ATG13: variants seen among roughly 807,000 people sequenced by gnomAD.
ATG13 encodes autophagy-related protein 13.
ATG13 carries 23 observed loss-of-function variants against 65.5 expected under a neutral mutation model. That is an observed-to-expected ratio of 0.35 (90% confidence interval 0.25 to 0.50). The LOEUF is 0.50. Ranked by LOEUF, ATG13 falls within the 20% of genes least tolerant of loss-of-function variation. ATG13 has a pLI of 0.98. For synonymous variants in ATG13, 252 were observed against 245.2 expected (o/e 1.03, Z -0.26); for missense variants, 566 against 677.0 (o/e 0.84, Z 1.82).
chr11:46,619,615 C>T (rs926120729), intron 1 of ATG13, among the ~76,000 whole-genome samples: 2 of 151,620 alleles, frequency 1.3e-5, no homozygotes, highest in African/African-American at 4.8e-5. Flanking sequence ...CTTGAACTCC[C>T]GACCTCAGGT....
chr11:46,630,661 C>G (rs1463275401), intron 2 of ATG13, among the ~76,000 whole-genome samples: 1 of 147,086 alleles, frequency 6.8e-6, no homozygotes, highest in South Asian at 2.1e-4. Context: ...CAGCCTTGAC[C>G]TTCCAGCTCA....
At chr11:46,668,762 A>G in intron 16 of ATG13, 32 bp from the exon 17 acceptor site, 1 of 1,566,816 alleles carries the variant, frequency 6.4e-7, no homozygotes, top group East Asian at 2.2e-5. Flanking sequence ...GGGTCACAGC[A>G]TCAGCCCTAA....
At chr11:46,651,256 G>A (rs1183549127) in intron 7 of ATG13, among the ~76,000 whole-genome samples, 2 of 152,322 alleles carry the variant, frequency 1.3e-5, no homozygotes, top group African/African-American at 4.8e-5. Context: ...GGAAAAAAAG[G>A]TACTGAGAGA....
At chr11:46,660,564 A>G (rs1017491726) in intron 11 of ATG13, among the ~76,000 whole-genome samples, 1 of 151,622 alleles carries the variant, frequency 6.6e-6, no homozygotes, top group Non-Finnish European at 1.5e-5. Context: ...GCCCGCCACC[A>G]CGCCTGGCTA....
intron 9 of ATG13, 24 bp from the exon 10 acceptor site, chr11:46,657,500 T>C: frequency 6.2e-7 from 1 of 1,601,144 alleles, no homozygotes. Flanking sequence ...TAACAAATAC[T>C]GGAATCTGCT....
At position 46,650,222 on chromosome 11, in the gene ATG13, G is replaced by A; in HGVS notation, c.363G>A (p.Leu121=). ...TTTCCTACACGGTGTACAACAGACT[G>A]TCATTGCTGCTGAAGTCCCTTCTTG... is the stretch of plus-strand genomic sequence containing the variant. The part of the protein sequence containing the change: ...IKVSYTVYNR[L]SLLLKSLLAI... The change falls in exon 7 of 19, where the codon CTG becomes CTA. Residue 121 remains leucine (L), a synonymous_variant. Transcript: ENST00000683050. 1 of 1,614,122 alleles carries A rather than the reference G, an allele frequency of 6.2e-7. No homozygotes were observed. Among genetic ancestry groups the A allele is most frequent in the Non-Finnish European group, 8.5e-7 (1 of 1,180,008 alleles).
chr11:46,641,136 G>A (rs570921144), intron 2 of ATG13, among the ~76,000 whole-genome samples: 3 of 152,068 alleles, frequency 2.0e-5, no homozygotes, highest in South Asian at 2.1e-4. Flanking sequence ...GCAGTGGTGC[G>A]ATCTCGGCTC....
chr11:46,622,094 T>TAC (rs2047766712), intron 1 of ATG13, among the ~76,000 whole-genome samples: 9 of 54,090 alleles, frequency 1.7e-4, no homozygotes, highest in Middle Eastern at 7.5e-3. Context: ...TATATATATA[T>TAC]ATATATATAT....
intron 6 of ATG13, 100 bp downstream of exon 6, chr11:46,649,283 A>T: frequency 7.4e-7 from 1 of 1,352,170 alleles, no homozygotes; most frequent in Non-Finnish European, 1.0e-6. Context: ...CAGGGAGGGC[A>T]TTCTGACCAC....
At chr11:46,621,463 C>T (rs548773508) in intron 1 of ATG13, among the ~76,000 whole-genome samples, 2 of 152,306 alleles carry the variant, frequency 1.3e-5, no homozygotes, top group South Asian at 4.1e-4. Context: ...GTGAAAGCTT[C>T]TCCCAATACT....
intron 18 of ATG13, among the ~76,000 whole-genome samples, chr11:46,670,199 A>G (rs1456111839): frequency 6.6e-6 from 1 of 152,092 alleles, no homozygotes; most frequent in Non-Finnish European, 1.5e-5. Flanking sequence ...CAATACAGTA[A>G]TAGCCAGGTG....
At chr11:46,626,391 C>G (rs1246345356) in intron 1 of ATG13, among the ~76,000 whole-genome samples, 2 of 152,252 alleles carry the variant, frequency 1.3e-5, no homozygotes, top group East Asian at 3.9e-4. Flanking sequence ...GCTGAGATTA[C>G]AGGCACGCAC....
intron 2 of ATG13, among the ~76,000 whole-genome samples, chr11:46,633,135 C>T (rs1266904760): frequency 6.7e-6 from 1 of 148,846 alleles, no homozygotes. Flanking sequence ...AGCTATTCTC[C>T]TGCCTTAGCT....
intron 1 of ATG13, among the ~76,000 whole-genome samples, chr11:46,619,323 A>G (rs1417152417): frequency 6.6e-6 from 1 of 150,394 alleles, no homozygotes; most frequent in East Asian, 1.9e-4. Context: ...AGGTTATTTT[A>G]AATAATTAGC....
At chr11:46,641,842 A>G (rs982942407) in intron 2 of ATG13, among the ~76,000 whole-genome samples, 4 of 149,128 alleles carry the variant, frequency 2.7e-5, no homozygotes, top group Admixed American at 6.7e-5. Context: ...CTCACTGCCC[A>G]TGGCTCACTG....
In ATG13 at chr11:46,674,143, ACTG is replaced by A. The variant is rs1261136607; in HGVS notation, c.*1814_*1816del. On this transcript the variant is annotated 3_prime_UTR_variant, in exon 19 of 19. Transcript: ENST00000683050. The stretch of plus-strand genomic sequence containing the variant: ...TTATTGATGCCCCCATATTTCAGCT[ACTG>A]CTCTCTTTCCAAGGCCTTGCATGGA... 1.4e-4 allele frequency: 22 copies of A among 152,210 alleles called. No homozygotes were observed. The allele number at this position is 152,210 out of a possible 1,614,324, so 9.4% of individuals were successfully genotyped here. A position where few individuals can be genotyped will look rare whatever the true frequency, so the allele number is the denominator to read the frequency against.
chr11:46,651,830 T>A (rs189555888), intron 7 of ATG13, among the ~76,000 whole-genome samples: 4 of 152,324 alleles, frequency 2.6e-5, no homozygotes, highest in African/African-American at 9.6e-5. Context: ...TATTTGAAAA[T>A]TGCTAGACTT....
chr11:46,643,546 A>G (rs2056736472), intron 2 of ATG13, among the ~76,000 whole-genome samples: 1 of 151,412 alleles, frequency 6.6e-6, no homozygotes, highest in Non-Finnish European at 1.5e-5. Flanking sequence ...CTCTTTGTTC[A>G]TGCTCGTCTC....
chr11:46,622,763 A>G (rs1332187051), intron 1 of ATG13, among the ~76,000 whole-genome samples: 1 of 152,176 alleles, frequency 6.6e-6, no homozygotes, highest in Non-Finnish European at 1.5e-5. Context: ...TGTAAATGCT[A>G]TTTTAGGGGC....
Sources: gnomAD v4.1 joint callset for allele counts (sites outside exome capture counted in the v4.1 genomes callset) on GRCh38, gnomAD v4.1.1 for gene constraint, MANE v1.5 for transcripts, NCBI Gene and HGNC (gene_info 2026-07-23, HGNC 2026-07-21) for gene names.